The following HEPACAM2 variants were observed in gnomAD, a reference collection of about 807,000 sequenced individuals.
HEPACAM2 encodes the protein HEPACAM family member 2.
In HEPACAM2, 49 loss-of-function variants were observed where a neutral mutation model predicts 49.6. The observed-to-expected ratio is 0.99, with a 90% confidence interval of 0.78 to 1.25. HEPACAM2 has a LOEUF of 1.25. Ranked by LOEUF, HEPACAM2 falls within the 50% of genes most tolerant of loss-of-function variation. HEPACAM2 has a pLI of 0.00. For missense variants in HEPACAM2, 525 were observed against 557.2 expected (o/e 0.94, Z 0.58); for synonymous variants, 197 against 202.9 (o/e 0.97, Z 0.25).
chr7:93,198,525 G>T (rs932640466), intron 4 of HEPACAM2, among the ~76,000 whole-genome samples: 1 of 152,086 alleles, frequency 6.6e-6, no homozygotes, highest in African/African-American at 2.4e-5. Context: ...ACCAGCTTCA[G>T]GTTATAATAT....
chr7:93,215,390 A>T lies in HEPACAM2; in HGVS notation c.715+11T>A, dbSNP rs1395792685. ...AAAAACAACTCATGAGTTAAAAAAA[A>T]ATAAACTTACAATATATGATGGGCA... On this transcript the variant is annotated intron_variant, in intron 3 of 9. Coordinates refer to ENST00000394468, the MANE Select transcript of HEPACAM2 (RefSeq NM_001039372.4). 6.2e-7 allele frequency: 1 copy of T among 1,605,764 alleles called. No homozygotes were observed. The highest frequency in any genetic ancestry group is 8.5e-7 in the Non-Finnish European group (1 of 1,174,656).
At chr7:93,230,820 T>C (rs188246955), upstream of HEPACAM2, among the ~76,000 whole-genome samples, 1 of 152,300 alleles carries the variant, frequency 6.6e-6, no homozygotes, top group Admixed American at 6.5e-5. Flanking sequence ...GAGAAGCATA[T>C]AGGTAAACAT....
intron 7 of HEPACAM2, among the ~76,000 whole-genome samples, chr7:93,197,035 C>A (rs1281218248): frequency 6.6e-6 from 1 of 152,024 alleles, no homozygotes; most frequent in Non-Finnish European, 1.5e-5. Flanking sequence ...GCTTCCAGGC[C>A]TGATATTACA....
At chr7:93,221,997 G>C (rs1794459965) in intron 1 of HEPACAM2, among the ~76,000 whole-genome samples, 1 of 152,102 alleles carries the variant, frequency 6.6e-6, no homozygotes, top group Admixed American at 6.6e-5. Flanking sequence ...TTCTAAAGAG[G>C]AGATAAAGTG....
At chr7:93,222,669 A>G (rs1794472338) in intron 1 of HEPACAM2, among the ~76,000 whole-genome samples, 1 of 152,180 alleles carries the variant, frequency 6.6e-6, no homozygotes. Flanking sequence ...GTGACCTTAA[A>G]TAAGTCATTT....
chr7:93,222,703 A>T (rs1794472851), intron 1 of HEPACAM2, among the ~76,000 whole-genome samples: 1 of 152,088 alleles, frequency 6.6e-6, no homozygotes, highest in Admixed American at 6.6e-5. Flanking sequence ...CAGTTTTCTC[A>T]TGTGTGAATA....
At chr7:93,206,392 C>T (rs1387377221) in intron 4 of HEPACAM2, among the ~76,000 whole-genome samples, 4 of 152,066 alleles carry the variant, frequency 2.6e-5, no homozygotes. Flanking sequence ...TTACCTTTCT[C>T]ATATGTTATT....
chr7:93,222,365 C>T (rs886402914), intron 1 of HEPACAM2, among the ~76,000 whole-genome samples: 6 of 152,038 alleles, frequency 3.9e-5, no homozygotes, highest in African/African-American at 1.4e-4. Context: ...GTAAATTGGA[C>T]CTTTCACTGT....
intron 1 of HEPACAM2, among the ~76,000 whole-genome samples, chr7:93,224,857 C>A (rs1274656157): frequency 6.6e-6 from 1 of 152,024 alleles, no homozygotes; most frequent in Non-Finnish European, 1.5e-5. Context: ...ATAAACTGTA[C>A]AAACTGTACA....
upstream of HEPACAM2, among the ~76,000 whole-genome samples, chr7:93,228,184 A>G (rs1323926228): frequency 2.0e-5 from 3 of 152,174 alleles, no homozygotes; most frequent in African/African-American, 7.2e-5. Context: ...AATAAAGACA[A>G]TGTACTGTGT....
At chr7:93,220,041 A>G (rs1464782642) in intron 1 of HEPACAM2, among the ~76,000 whole-genome samples, 1 of 152,152 alleles carries the variant, frequency 6.6e-6, no homozygotes, top group Non-Finnish European at 1.5e-5. Flanking sequence ...TATTTGAGAA[A>G]CAGCAAGAGG....
Position 93,197,606 on chromosome 7 carries a change from C to A in HEPACAM2, c.1017G>T (p.Leu339=). ...HFTVIITSVG[L]EKLAQKGKSL... is the part of the protein sequence containing the mutation. ...ATTTTCCTTTCTGTGCAAGCTTCTC[C>A]AGTCCTAAATAAAAAGATAAACATA... Residue 339 remains leucine, a synonymous_variant, in exon 5 of 10, where the codon CTG becomes CTT. Transcript: ENST00000394468. The A allele has an allele frequency of 6.4e-7, 1 of 1,572,984 alleles. No individual in the cohort carries two copies.
intron 8 of HEPACAM2, among the ~76,000 whole-genome samples, chr7:93,194,698 C>T (rs993964155): frequency 3.9e-5 from 6 of 151,952 alleles, no homozygotes; most frequent in East Asian, 1.9e-4. Context: ...AGAGAAGTCA[C>T]GATTCCCTAA....
chr7:93,221,077 C>G (rs987483139), intron 1 of HEPACAM2, among the ~76,000 whole-genome samples: 38 of 151,612 alleles, frequency 2.5e-4, no homozygotes, highest in African/African-American at 9.0e-4. Flanking sequence ...GTGAAGAGGA[C>G]CAGAGAGATG....
upstream of HEPACAM2, among the ~76,000 whole-genome samples, chr7:93,229,551 A>T (rs1794590913): frequency 6.6e-6 from 1 of 152,176 alleles, no homozygotes; most frequent in South Asian, 2.1e-4. Context: ...GTTTTGGGCC[A>T]TTAGTAATAT....
intron 2 of HEPACAM2, among the ~76,000 whole-genome samples, chr7:93,216,626 C>T (rs887729211): frequency 1.3e-5 from 2 of 152,264 alleles, no homozygotes; most frequent in South Asian, 4.1e-4. Flanking sequence ...TTGACTTAAT[C>T]GATAAAAACA....
chr7:93,227,921 C>T (rs551878341), upstream of HEPACAM2, among the ~76,000 whole-genome samples: 1 of 152,282 alleles, frequency 6.6e-6, no homozygotes, highest in African/African-American at 2.4e-5. Flanking sequence ...GAAAACAAAA[C>T]TCTAAGTGCT....
chr7:93,227,444 G>A (rs142085532), upstream of HEPACAM2, among the ~76,000 whole-genome samples: 63 of 152,220 alleles, frequency 4.1e-4, no homozygotes, highest in Non-Finnish European at 6.9e-4. Context: ...GCCCACTGAA[G>A]AAGTTCAATG....
At position 93,215,645 on chromosome 7, in the gene HEPACAM2, A is replaced by G. The variant is rs747789823; in HGVS notation, c.471T>C (p.Ser157=). The part of the protein sequence containing the change: ...TKPVVQIHPP[S]GAVEYVGNMT... ...TGTTCCCCACATACTCCACAGCCCCAGAGGGAGGATGAATCTGCACCACTG... is the reference window on the plus strand; with the variant it reads ...TGTTCCCCACATACTCCACAGCCCCGGAGGGAGGATGAATCTGCACCACTG... The change falls in exon 3 of 10, where the codon TCT becomes TCC. Residue 157 remains serine, a synonymous_variant. Coordinates refer to ENST00000394468, the MANE Select transcript of HEPACAM2 (RefSeq NM_001039372.4). The G allele has an allele frequency of 6.2e-7, 1 of 1,613,676 alleles. No homozygotes were observed. The highest frequency in any genetic ancestry group is 2.2e-5 in the East Asian group (1 of 44,860).
Sources: gnomAD v4.1 joint callset for allele counts (sites outside exome capture counted in the v4.1 genomes callset) on GRCh38, gnomAD v4.1.1 for gene constraint, MANE v1.5 for transcripts, NCBI Gene and HGNC (gene_info 2026-07-23, HGNC 2026-07-21) for gene names.